The following SLC4A5 variants were observed in gnomAD, a reference collection of about 807,000 sequenced individuals.
SLC4A5 encodes the protein electrogenic sodium bicarbonate cotransporter 4.
A neutral mutation model predicts 120.4 loss-of-function variants in SLC4A5; 96 were observed. The observed-to-expected ratio is 0.80, with a 90% CI of 0.68 to 0.94. The LOEUF is 0.94. Among genes scored for constraint, SLC4A5 ranks in the 40% least tolerant of loss-of-function variants. The pLI, the probability that SLC4A5 is intolerant of heterozygous loss-of-function variation, is 0.00. For missense variants in SLC4A5, 1,259 were observed against 1,459.5 expected (o/e 0.86, Z 2.24); for synonymous variants, 550 against 571.1 (o/e 0.96, Z 0.53).
exon 31 of SLC4A5, chr2:74,217,444 G>A (rs1250323943): frequency 6.6e-6 from 1 of 152,138 alleles, no homozygotes; most frequent in Non-Finnish European, 1.5e-5. Context: ...AAAGTACTAG[G>A]TTGATTAATA....
chr2:74,233,529 G>T (rs138829527), exon 23 of SLC4A5: 16 of 1,613,880 alleles, frequency 9.9e-6, no homozygotes, highest in East Asian at 2.2e-5. Flanking sequence ...CTTCCCAAAG[G>T]GGGCCACGAA....
chr2:74,288,587 C>T (rs1176047474), intron 7 of SLC4A5, among the ~76,000 whole-genome samples: 2 of 152,180 alleles, frequency 1.3e-5, no homozygotes, highest in African/African-American at 4.8e-5. Flanking sequence ...TCTTGCCTGG[C>T]TAACACTTAA....
At chr2:74,219,949 G>C (rs1247186267) in intron 30 of SLC4A5, among the ~76,000 whole-genome samples, 1 of 152,130 alleles carries the variant, frequency 6.6e-6, no homozygotes, top group Non-Finnish European at 1.5e-5. Context: ...TTTCACCCTG[G>C]CATTGGGATA....
chr2:74,279,252 T>G (rs1487202365), intron 8 of SLC4A5, among the ~76,000 whole-genome samples: 1 of 152,206 alleles, frequency 6.6e-6, no homozygotes, highest in Non-Finnish European at 1.5e-5. Flanking sequence ...TACTTTTAAC[T>G]CTTCTCAACT....
chr2:74,255,981 TCA>T lies in SLC4A5; in HGVS notation c.868-51_868-50del. 6.3e-7 allele frequency: 1 copy of T among 1,593,380 alleles called. No individual in the cohort carries two copies. Among genetic ancestry groups the T allele is most frequent in the Non-Finnish European group, 8.6e-7 (1 of 1,164,716 alleles). ...TAGCCAAGGAGACTCCCACCTGCTC[TCA>T]CTCCCTCACTCCCCTTCAGACTGCT... is the stretch of plus-strand genomic sequence containing the variant. On this transcript the variant is annotated intron_variant, in intron 12 of 30. Transcript: ENST00000394019. This position sits in a 1 kb window ranked among gnomAD's most constrained non-coding sequence, Gnocchi z 4.0.
At chr2:74,287,633 C>T (rs546465577) in intron 7 of SLC4A5, among the ~76,000 whole-genome samples, 1 of 152,254 alleles carries the variant, frequency 6.6e-6, no homozygotes, top group South Asian at 2.1e-4. Flanking sequence ...CTCACTGTGT[C>T]CCTCAAGGCT....
At chr2:74,227,465 T>C (rs1694886375) in intron 26 of SLC4A5, 2 of 1,575,932 alleles carry the variant, frequency 1.3e-6, no homozygotes, top group African/African-American at 1.4e-5. Flanking sequence ...AAAAATGTTT[T>C]CTTCTGCATA....
At chr2:74,280,996 T>C (rs958013998) in intron 8 of SLC4A5, among the ~76,000 whole-genome samples, 6 of 152,134 alleles carry the variant, frequency 3.9e-5, no homozygotes, top group Non-Finnish European at 8.8e-5. Context: ...CTATACAGGA[T>C]CTTAATGAGG....
intron 3 of SLC4A5, among the ~76,000 whole-genome samples, chr2:74,335,225 A>T (rs1673453709): frequency 6.6e-6 from 1 of 152,218 alleles, no homozygotes; most frequent in South Asian, 2.1e-4. Flanking sequence ...GAAGAATGAG[A>T]CATTGCTGGA....
At position 74,239,190 on chromosome 2, in the gene SLC4A5, A is replaced by G. The variant is rs566676725; in HGVS notation, c.2319+145T>C. The G allele has an allele frequency of 1.6e-5, 11 of 686,944 alleles. No individual in the cohort carries two copies. In the East Asian group the frequency reaches 2.9e-4, roughly 18 times the overall value. The allele number at this position is 686,944 out of a possible 1,614,324, so 42.6% of individuals were successfully genotyped here. A position where few individuals can be genotyped will look rare whatever the true frequency, so the allele number is the denominator to read the frequency against. ...GTCAAGGGGACCAGCCAACAAGGGA[A>G]CACAGTTCTCTCTGACTTAACTTGA... On this transcript the variant is annotated intron_variant, in intron 21 of 30. Transcript: ENST00000394019.
chr2:74,252,147 A>G, intron 16 of SLC4A5, 32 bp downstream of exon 16: 1 of 1,605,710 alleles, frequency 6.2e-7, no homozygotes, highest in Non-Finnish European at 8.5e-7. Context: ...TCTAAAGGAC[A>G]GCAGGGTCAC....
intron 5 of SLC4A5, among the ~76,000 whole-genome samples, chr2:74,315,465 A>G (rs1188512871): frequency 6.9e-6 from 1 of 145,042 alleles, no homozygotes; most frequent in Admixed American, 6.8e-5. Context: ...AAAAAAAAAA[A>G]GGACATATAA....
chr2:74,322,142 A>C (rs1573102921), intron 5 of SLC4A5, among the ~76,000 whole-genome samples: 1 of 151,968 alleles, frequency 6.6e-6, no homozygotes, highest in Admixed American at 6.6e-5. Context: ...GTTCCTGAGA[A>C]TATCACTGAG....
At chr2:74,219,618 C>G (rs1423695875) in intron 30 of SLC4A5, among the ~76,000 whole-genome samples, 1 of 152,082 alleles carries the variant, frequency 6.6e-6, no homozygotes, top group Non-Finnish European at 1.5e-5. Context: ...CATTTCTGAC[C>G]CTGTCTTAGG....
At chr2:74,240,041 T>TTATATA (rs142456944) in intron 20 of SLC4A5, among the ~76,000 whole-genome samples, 3 of 145,380 alleles carry the variant, frequency 2.1e-5, no homozygotes, top group African/African-American at 7.5e-5. Flanking sequence ...ATATATAAAT[T>TTATATA]TATATATATA....
At chr2:74,309,781 GA>G (rs1273109451) in intron 6 of SLC4A5, among the ~76,000 whole-genome samples, 7 of 151,352 alleles carry the variant, frequency 4.6e-5, no homozygotes, top group Non-Finnish European at 8.8e-5. Context: ...TCAGGGTCCT[GA>G]GTAACTGGGA....
exon 19 of SLC4A5, chr2:74,247,128 ATCT>A (rs202140410): frequency 2.5e-6 from 4 of 1,614,112 alleles, no homozygotes; most frequent in East Asian, 2.2e-5. Context: ...GGCACCGATC[ATCT>A]TCTTGATGGC....
At chr2:74,251,868 G>C (rs1298464945) in intron 16 of SLC4A5, among the ~76,000 whole-genome samples, 1 of 152,230 alleles carries the variant, frequency 6.6e-6, no homozygotes, top group Non-Finnish European at 1.5e-5. Flanking sequence ...AACTGCAGGA[G>C]AGTAACCTTC....
intron 30 of SLC4A5, among the ~76,000 whole-genome samples, chr2:74,220,320 C>T (rs1694584237): frequency 6.7e-6 from 1 of 149,490 alleles, no homozygotes; most frequent in African/African-American, 2.6e-5. Context: ...TAACAGTTCC[C>T]ATCTCCAGTT....
Sources: gnomAD v4.1 joint callset for allele counts (sites outside exome capture counted in the v4.1 genomes callset) on GRCh38, gnomAD v4.1.1 for gene constraint, Gnocchi (gnomAD v3.1) non-coding constraint, MANE v1.5 for transcripts, NCBI Gene and HGNC (gene_info 2026-07-23, HGNC 2026-07-21) for gene names.